Variants in CALM2 observed in about 807,000 individuals in gnomAD.
CALM2 encodes the protein calmodulin 2.
A neutral mutation model predicts 19.8 loss-of-function variants in CALM2; 2 were observed. The ratio of observed to expected loss-of-function variants is 0.10; its 90% CI spans 0.04 to 0.32. The LOEUF is 0.32. Ranked by LOEUF, CALM2 falls within the 10% of genes least tolerant of loss-of-function variation. The probability of loss-of-function intolerance (pLI) is 1.00; values close to 1 mark genes in which losing one functional copy is unlikely to be tolerated. For missense variants in CALM2, 38 were observed against 178.7 expected, an observed-to-expected ratio of 0.21 and a Z score of 4.49; for synonymous variants, 51 against 52.1, an observed-to-expected ratio of 0.98 and a Z score of 0.09.
At chr2:47,162,195 A>AAC in intron 4 of CALM2, 91 bp downstream of exon 4, 1 of 512,494 alleles carries the variant, frequency 2.0e-6, no homozygotes, top group East Asian at 4.2e-5. Context: ...AAAAAAAAAA[A>AAC]AAAAACAACC....
At chr2:47,174,331 A>T (rs1666774367) in intron 1 of CALM2, 1 of 152,138 alleles carries the variant, frequency 6.6e-6, no homozygotes. Flanking sequence ...AGCTCACTAC[A>T]GTCTCCAACT....
upstream of CALM2, chr2:47,176,758 A>AG (rs1291340302): frequency 1.1e-5 from 11 of 985,268 alleles, no homozygotes; most frequent in Non-Finnish European, 1.3e-5. Context: ...GCGGCCCCTG[A>AG]GGGGCGCTAC....
intron 2 of CALM2, among the ~76,000 whole-genome samples, chr2:47,168,510 G>A (rs535100111): frequency 7.9e-5 from 12 of 152,130 alleles, no homozygotes; most frequent in African/African-American, 2.4e-4. Flanking sequence ...AGGCTGAGGC[G>A]GGTGGATCAC....
intron 1 of CALM2, chr2:47,173,092 T>G (rs1195556577): frequency 6.6e-6 from 1 of 152,180 alleles, no homozygotes; most frequent in Non-Finnish European, 1.5e-5. Flanking sequence ...CTTGGAAGGT[T>G]GAGAAGCTTT....
chr2:47,162,119 C>G (rs570365520), intron 4 of CALM2, among the ~76,000 whole-genome samples, 167 bp downstream of exon 4: 1 of 125,160 alleles, frequency 8.0e-6, no homozygotes, highest in Non-Finnish European at 1.6e-5. Context: ...AAAGTCTATA[C>G]TGAATTCTTA....
chr2:47,170,018 C>T (rs1666614020), intron 2 of CALM2, among the ~76,000 whole-genome samples: 1 of 149,898 alleles, frequency 6.7e-6, no homozygotes, highest in Non-Finnish European at 1.5e-5. Context: ...CCAACATTGA[C>T]ATTAACCAGC....
At chr2:47,176,350 T>G in intron 1 of CALM2, 91 bp downstream of exon 1, 1 of 1,494,332 alleles carries the variant, frequency 6.7e-7, no homozygotes, top group Non-Finnish European at 9.2e-7. Flanking sequence ...TCCTTGAAGG[T>G]GTAAGGGAGG....
At chr2:47,162,896 T>C in intron 2 of CALM2, 1 of 413,418 alleles carries the variant, frequency 2.4e-6, no homozygotes, top group Non-Finnish European at 4.3e-6. Context: ...TCCTAAAGAT[T>C]AACCAATCTT....
At position 47,172,180 on chromosome 2, in the gene CALM2, G is replaced by C. The variant is rs184008165; in HGVS notation, c.4-1416C>G. 56 of 221,090 alleles carry C rather than the reference G, an allele frequency of 2.5e-4. 1 individual carries two copies. Among genetic ancestry groups the C allele is most frequent in the South Asian group, 1.8e-3 (33 of 17,968 alleles). The allele number at this position is 221,090 out of a possible 1,614,324, so 13.7% of individuals were successfully genotyped here. A position where few individuals can be genotyped will look rare whatever the true frequency, so the allele number is the denominator to read the frequency against. On this transcript the variant is annotated intron_variant, in intron 1 of 5. Transcript: ENST00000272298. The stretch of plus-strand genomic sequence containing the variant: ...AAGGTTTAAAATCCAGTAAATCTGA[G>C]TTATTTACTTTGTATTAATAGAAGC...
chr2:47,164,950 T>A (rs557525424), intron 2 of CALM2, among the ~76,000 whole-genome samples: 11 of 152,244 alleles, frequency 7.2e-5, no homozygotes, highest in Non-Finnish European at 1.5e-4. Flanking sequence ...TTCCACTAAT[T>A]TGCCCATTAC....
At chr2:47,161,203 G>C (rs1687143068) in intron 5 of CALM2, among the ~76,000 whole-genome samples, 1 of 152,058 alleles carries the variant, frequency 6.6e-6, no homozygotes, top group African/African-American at 2.4e-5. Flanking sequence ...AAAATACAGA[G>C]TTTTACTCAA....
At chr2:47,168,085 G>C (rs1358556986) in intron 2 of CALM2, among the ~76,000 whole-genome samples, 1 of 152,044 alleles carries the variant, frequency 6.6e-6, no homozygotes, top group Non-Finnish European at 1.5e-5. Flanking sequence ...CACTCATTGA[G>C]AATAAAATTT....
chr2:47,172,849 A>G (rs1666722974), intron 1 of CALM2: 4 of 146,436 alleles, frequency 2.7e-5, no homozygotes, highest in Admixed American at 6.8e-5. Flanking sequence ...TGGGAAGGCT[A>G]CTATATATGA....
At chr2:47,176,296 G>T (rs143230858) in intron 1 of CALM2, 145 bp downstream of exon 1, 3 of 950,022 alleles carry the variant, frequency 3.2e-6, no homozygotes, top group African/African-American at 3.3e-5. Context: ...AACCGTCGCC[G>T]GCATCCCTGG....
intron 2 of CALM2, among the ~76,000 whole-genome samples, chr2:47,165,658 C>T (rs1666441327): frequency 6.6e-6 from 1 of 152,122 alleles, no homozygotes; most frequent in African/African-American, 2.4e-5. Flanking sequence ...TTTTCCACTC[C>T]TTGGCCACTT....
chr2:47,176,193 A>T, intron 1 of CALM2: 3 of 510,002 alleles, frequency 5.9e-6, no homozygotes, highest in Non-Finnish European at 1.1e-5. Flanking sequence ...GCCCCCGAGG[A>T]GCTTCACCAC....
chr2:47,167,305 A>T (rs1666506239), intron 2 of CALM2, among the ~76,000 whole-genome samples: 1 of 152,222 alleles, frequency 6.6e-6, no homozygotes, highest in Admixed American at 6.5e-5. Flanking sequence ...AAAGTCAAAC[A>T]GCAACAACTA....
intron 2 of CALM2, chr2:47,162,900 C>T (rs1687199350): frequency 4.9e-6 from 2 of 406,742 alleles, no homozygotes; most frequent in African/African-American, 2.1e-5. Context: ...AAAGATTAAC[C>T]AATCTTTATG....
At chr2:47,163,392 T>G (rs1666319138) in intron 2 of CALM2, 1 of 152,178 alleles carries the variant, frequency 6.6e-6, no homozygotes, top group African/African-American at 2.4e-5. Context: ...GTGAAACTGA[T>G]TATTCCTCAA....
Sources: gnomAD v4.1 joint callset for allele counts (sites outside exome capture counted in the v4.1 genomes callset) on GRCh38, gnomAD v4.1.1 for gene constraint, MANE v1.5 for transcripts, NCBI Gene and HGNC (gene_info 2026-07-23, HGNC 2026-07-21) for gene names.